The following SLC4A7 variants were observed in gnomAD, a reference collection of about 807,000 sequenced individuals.
The protein encoded by SLC4A7 is sodium bicarbonate cotransporter 3.
A neutral mutation model predicts 137.6 loss-of-function variants in SLC4A7; 51 were observed. That is an observed-to-expected ratio of 0.37 (90% CI 0.30 to 0.47). The LOEUF is 0.47. Ranked by LOEUF, SLC4A7 falls within the 20% of genes least tolerant of loss-of-function variation. The pLI is 1.00. For missense variants in SLC4A7, 1,247 were observed against 1,525.4 expected, an observed-to-expected ratio of 0.82 and a Z score of 3.04; for synonymous variants, 542 against 518.6, an observed-to-expected ratio of 1.05 and a Z score of -0.61.
At chr3:27,471,533 T>C (rs61144795) in intron 1 of SLC4A7, among the ~76,000 whole-genome samples, 33,240 of 152,128 alleles carry the variant, frequency 0.22, 3,728 homozygotes, top group Non-Finnish European at 0.25. Context: ...CCACCACACC[T>C]GGCTAATTCT....
At chr3:27,435,717 C>T (rs2056683027) in intron 5 of SLC4A7, among the ~76,000 whole-genome samples, 1 of 152,088 alleles carries the variant, frequency 6.6e-6, no homozygotes. Context: ...GTGTATACAC[C>T]TGTGGTCCCA....
chr3:27,447,304 A>C (rs2057730391), intron 3 of SLC4A7, among the ~76,000 whole-genome samples: 1 of 152,320 alleles, frequency 6.6e-6, no homozygotes, highest in African/African-American at 2.4e-5. Flanking sequence ...TAAAAATACT[A>C]AGATGGTTAA....
intron 1 of SLC4A7, among the ~76,000 whole-genome samples, chr3:27,480,670 A>T (rs531142626): frequency 2.6e-5 from 4 of 152,284 alleles, no homozygotes; most frequent in Admixed American, 1.3e-4. Flanking sequence ...TAGTATCAAT[A>T]CGTAACTGTG....
At chr3:27,452,975 T>C (rs186204225) in intron 1 of SLC4A7, among the ~76,000 whole-genome samples, 2 of 152,326 alleles carry the variant, frequency 1.3e-5, no homozygotes, top group East Asian at 1.9e-4. Context: ...CAGTACCACT[T>C]TAACTGATTA....
chr3:27,409,253 TG>T, intron 13 of SLC4A7, 102 bp downstream of exon 13: 1 of 893,070 alleles, frequency 1.1e-6, no homozygotes, highest in Non-Finnish European at 1.7e-6. Flanking sequence ...AATCATGCTG[TG>T]GGTAGACTCT....
intron 11 of SLC4A7, among the ~76,000 whole-genome samples, chr3:27,414,075 T>C (rs7614511): frequency 0.15 from 23,324 of 151,220 alleles, 1,967 homozygotes; most frequent in South Asian, 0.27. Flanking sequence ...AGGTCAGGAG[T>C]TCAAGACCAG....
chr3:27,377,100 G>T (rs2049968688), intron 25 of SLC4A7, among the ~76,000 whole-genome samples: 1 of 151,708 alleles, frequency 6.6e-6, no homozygotes, highest in African/African-American at 2.4e-5. Context: ...CTAAAGAGGG[G>T]GTCCTTAAAA....
At chr3:27,447,665 G>C (rs2057764150) in intron 3 of SLC4A7, among the ~76,000 whole-genome samples, 1 of 58,780 alleles carries the variant, frequency 1.7e-5, no homozygotes. Flanking sequence ...TTTTTTTTTG[G>C]CTCTTTCCTT....
At chr3:27,450,173 G>A (rs1559801077) in intron 2 of SLC4A7, among the ~76,000 whole-genome samples, 1 of 152,064 alleles carries the variant, frequency 6.6e-6, no homozygotes, top group African/African-American at 2.4e-5. Flanking sequence ...TTAAAAGAGG[G>A]ACAACTTAAC....
At position 27,403,120 on chromosome 3, in the gene SLC4A7, A is replaced by G. The variant is rs770101680; in HGVS notation, c.2321+19T>C. On this transcript the variant is annotated intron_variant, in intron 15 of 25. Coordinates refer to ENST00000454389, the MANE Select transcript of SLC4A7 (RefSeq NM_001321103.2). The stretch of plus-strand genomic sequence containing the variant: ...TGTAAAAACACATTTTAATATTAGG[A>G]GAAAAGAGAAATACTTACGAGTAGC... The G allele has an allele frequency of 6.3e-7, 1 of 1,583,028 alleles. No homozygotes were observed. The highest frequency in any genetic ancestry group is 1.2e-5 in the South Asian group (1 of 85,556).
At chr3:27,402,840 T>C (rs13319629) in intron 15 of SLC4A7, among the ~76,000 whole-genome samples, 23,323 of 148,158 alleles carry the variant, frequency 0.16, 1,946 homozygotes, top group African/African-American at 0.24. Flanking sequence ...TTCAAATATA[T>C]AGTGGATCAG....
chr3:27,448,480 A>T (rs528643832), intron 3 of SLC4A7, among the ~76,000 whole-genome samples, 171 bp downstream of exon 3: 174 of 150,380 alleles, frequency 1.2e-3, no homozygotes, highest in Non-Finnish European at 1.3e-3. Flanking sequence ...TAAAAATTAT[A>T]AAAAAAAAAT....
rs1421606166 is a variant in SLC4A7, at chr3:27,434,049, C to G, written c.645G>C (p.Glu215Asp). The change falls in exon 6 of 26, where the codon GAG becomes GAC. Residue 215 changes from glutamate to aspartate, a missense_variant. Physicochemically the swap from Glu to Asp is conservative, Grantham distance 45. Transcript: ENST00000454389. ...ASGQLDESIR[E>D]NVREALLKRH... ...TCTTCAGAAGAGCTTCTCTGACATT[C>G]TCTCGTATGGACTCGTCTAATTGGC... The G allele has an allele frequency of 6.2e-7, 1 of 1,613,584 alleles. No individual in the cohort carries two copies. Among genetic ancestry groups the G allele is most frequent in the South Asian group, 1.1e-5 (1 of 91,050 alleles).
intron 1 of SLC4A7, among the ~76,000 whole-genome samples, chr3:27,468,361 T>C (rs2059095006): frequency 6.6e-6 from 1 of 152,222 alleles, no homozygotes; most frequent in African/African-American, 2.4e-5. Context: ...ACTGAAAAAC[T>C]GTACATAAAC....
chr3:27,456,966 C>T (rs2150590570), intron 1 of SLC4A7: 2 of 982,524 alleles, frequency 2.0e-6, no homozygotes, highest in Non-Finnish European at 2.4e-6. Context: ...CCGTTTTCAA[C>T]TGAAACCTTT....
At chr3:27,459,118 T>G (rs1389686795) in intron 1 of SLC4A7, among the ~76,000 whole-genome samples, 2 of 152,170 alleles carry the variant, frequency 1.3e-5, no homozygotes, top group African/African-American at 4.8e-5. Flanking sequence ...CACATGTCCT[T>G]TCCTCCCCCA....
At chr3:27,481,384 C>T (rs562377741) in intron 1 of SLC4A7, among the ~76,000 whole-genome samples, 1 of 152,234 alleles carries the variant, frequency 6.6e-6, no homozygotes, top group South Asian at 2.1e-4. Context: ...GTAATATAAA[C>T]TGCCACCAAT....
chr3:27,384,813 A>G (rs1261576033), intron 23 of SLC4A7, among the ~76,000 whole-genome samples: 1 of 151,906 alleles, frequency 6.6e-6, no homozygotes, highest in Non-Finnish European at 1.5e-5. Flanking sequence ...AAGTACAAAA[A>G]TAAGCCCAGT....
intron 7 of SLC4A7, among the ~76,000 whole-genome samples, chr3:27,429,633 TGAGGTCAG>T (rs2056057715): frequency 6.6e-6 from 1 of 152,060 alleles, no homozygotes; most frequent in Admixed American, 6.6e-5. Context: ...GTGGATCATT[TGAGGTCAG>T]GAGTTCAAGA....
Sources: allele counts gnomAD v4.1 joint callset (sites outside exome capture counted in the v4.1 genomes callset), GRCh38; gene constraint gnomAD v4.1.1; transcripts MANE v1.5; gene names NCBI Gene and HGNC (gene_info 2026-07-23, HGNC 2026-07-21).